Variants in ABCA1 observed in about 807,000 individuals in gnomAD.
ABCA1 encodes the protein ATP binding cassette subfamily A member 1, also known as phospholipid-transporting ATPase ABCA1.
Under a neutral mutation model 262.5 loss-of-function variants are expected in ABCA1, and 133 were observed. That is an observed-to-expected ratio of 0.51 (90% CI 0.44 to 0.59). The LOEUF is 0.59. ABCA1 is among the 20% of genes least tolerant of loss of function. ABCA1 has a pLI of 0.00. For missense variants in ABCA1, 2,452 were observed against 2,777.5 expected (o/e 0.88, Z 2.63); for synonymous variants, 1,022 against 1,043.5 (o/e 0.98, Z 0.40).
chr9:104,822,182 G>C (rs1453113580), intron 19 of ABCA1, among the ~76,000 whole-genome samples: 1 of 152,122 alleles, frequency 6.6e-6, no homozygotes, highest in Non-Finnish European at 1.5e-5. Flanking sequence ...GAGTTCCTGG[G>C]AATTACCAAC....
At chr9:104,844,027 GAAAA>G (rs58449867) in intron 8 of ABCA1, among the ~76,000 whole-genome samples, 1 of 125,250 alleles carries the variant, frequency 8.0e-6, no homozygotes, top group Non-Finnish European at 1.8e-5. Flanking sequence ...TTTAATGCCA[GAAAA>G]AAAAAAAAAA....
At chr9:104,893,313 T>C (rs1839917183) in intron 2 of ABCA1, among the ~76,000 whole-genome samples, 1 of 148,320 alleles carries the variant, frequency 6.7e-6, no homozygotes, top group Admixed American at 6.8e-5. Context: ...TCCCAGCTAC[T>C]CGGGAGGCTG....
chr9:104,812,104 G>A (rs1289501382), intron 28 of ABCA1, among the ~76,000 whole-genome samples: 1 of 152,114 alleles, frequency 6.6e-6, no homozygotes. Flanking sequence ...CTATCAGTTT[G>A]AGTTAAACAT....
At chr9:104,826,520 T>C (rs1236968366) in intron 16 of ABCA1, among the ~76,000 whole-genome samples, 1 of 152,358 alleles carries the variant, frequency 6.6e-6, no homozygotes, top group South Asian at 2.1e-4. Context: ...AACACCATAC[T>C]GGACACAAGG....
At chr9:104,799,435 C>CACACACACACACAG (rs1554703915) in intron 36 of ABCA1, 1 of 974,428 alleles carries the variant, frequency 1.0e-6, no homozygotes, top group East Asian at 1.2e-4. Context: ...CACACACACA[C>CACACACACACACAG]AGCTTAATTT....
chr9:104,853,135 A>AAGATCCACTTG (rs1835523757), intron 7 of ABCA1, among the ~76,000 whole-genome samples: 1 of 152,206 alleles, frequency 6.6e-6, no homozygotes, highest in South Asian at 2.1e-4. Context: ...CTCATGAACC[A>AAGATCCACTTG]AGATCCACTT....
At chr9:104,871,574 A>AT (rs1294789198) in intron 5 of ABCA1, among the ~76,000 whole-genome samples, 1 of 152,184 alleles carries the variant, frequency 6.6e-6, no homozygotes, top group Non-Finnish European at 1.5e-5. Flanking sequence ...AAGACATAAC[A>AT]TTGACCCAAA....
In ABCA1 at chr9:104,794,400, G is replaced by A. The variant is rs369363279; in HGVS notation, c.5493C>T (p.Ala1831=). ...DMVKNQAMAD[A]LERFGENRFV... ...TGCTTCACTCACCAAACCTTTCCAG[G>A]GCATCAGCCATTGCCTGGTTTTTCA... The change falls in exon 40 of 50, where the codon GCC becomes GCT. Residue 1831 remains alanine (A), a synonymous_variant. Coordinates refer to ENST00000374736, the MANE Select transcript of ABCA1 (RefSeq NM_005502.4). 5.6e-6 allele frequency: 9 copies of A among 1,613,680 alleles called. No homozygotes were observed. The highest frequency in any genetic ancestry group is 3.3e-5 in the Admixed American group (2 of 59,942).
chr9:104,819,740 C>G lies in ABCA1; in HGVS notation c.3104-17G>C, dbSNP rs199889548. 3 of 1,614,142 alleles carry G rather than the reference C, an allele frequency of 1.9e-6. No individual in the cohort carries two copies. The African/African-American group carries it at 4.0e-5, about 22-fold the overall frequency. ...GCATTCCACCTACAAAAAAACAGAG[C>G]AAGACAAACTCCAGGACCAGCCCCA... On this transcript the variant is annotated splice_polypyrimidine_tract_variant and intron_variant, in intron 21 of 49. Transcript: ENST00000374736.
intron 2 of ABCA1, among the ~76,000 whole-genome samples, chr9:104,895,925 G>C (rs1840162630): frequency 6.6e-6 from 1 of 152,178 alleles, no homozygotes; most frequent in Admixed American, 6.5e-5. Flanking sequence ...TTGGGCCTTA[G>C]GCAAGAGGCT....
chr9:104,867,015 G>A (rs751601139), intron 5 of ABCA1, among the ~76,000 whole-genome samples: 34 of 152,230 alleles, frequency 2.2e-4, no homozygotes, highest in Admixed American at 4.6e-4. Flanking sequence ...GAATACAAAT[G>A]AGTGAATAAA....
At chr9:104,851,397 G>A (rs115467372) in intron 7 of ABCA1, among the ~76,000 whole-genome samples, 3,412 of 152,122 alleles carry the variant, frequency 0.022, 110 homozygotes, top group African/African-American at 0.066. Context: ...ACGTCTCATC[G>A]TTCCTTCTCC....
intron 7 of ABCA1, among the ~76,000 whole-genome samples, chr9:104,857,704 C>CAAAA (rs139377053): frequency 0.028 from 4,310 of 152,236 alleles, 238 homozygotes; most frequent in African/African-American, 0.099. Flanking sequence ...AAGAGTATTA[C>CAAAA]AATTTCATTT....
At chr9:104,801,807 G>C (rs1830364439) in intron 34 of ABCA1, among the ~76,000 whole-genome samples, 1 of 152,214 alleles carries the variant, frequency 6.6e-6, no homozygotes, top group African/African-American at 2.4e-5. Flanking sequence ...GCCTCCCAAA[G>C]TGCTAGGATT....
chr9:104,884,713 T>G (rs1041998463), intron 3 of ABCA1, 145 bp from the exon 4 acceptor site: 53 of 991,008 alleles, frequency 5.3e-5, no homozygotes, highest in Non-Finnish European at 8.0e-5. Context: ...TGAATAAAAC[T>G]GACTCTCAGG....
chr9:104,784,402 G>A lies in ABCA1; in HGVS notation c.6699C>T (p.Leu2233=). 1 of 1,614,112 alleles carries A rather than the reference G, an allele frequency of 6.2e-7. No homozygotes were observed. The highest frequency in any genetic ancestry group is 8.5e-7 in the Non-Finnish European group (1 of 1,180,000). The change falls in exon 50 of 50, where the codon CTC becomes CTT. Residue 2233 remains leucine, a synonymous_variant. Transcript: ENST00000374736. ...DQSDDDHLKD[L]SLHKNQTVVD... ...CTACTGTCTGGTTTTTGTGTAATGA[G>A]AGGTCTTTTAAGTGGTCATCATCAC...
chr9:104,811,044 G>C, intron 28 of ABCA1, 120 bp from the exon 29 acceptor site: 3 of 1,429,894 alleles, frequency 2.1e-6, no homozygotes, highest in Non-Finnish European at 2.9e-6. Flanking sequence ...GCACGGCAAT[G>C]AGGAATGCAG....
At position 104,845,479 on chromosome 9, in the gene ABCA1, C is replaced by A. The variant is rs766885355; in HGVS notation, c.811G>T (p.Glu271Ter). 1.2e-6 allele frequency: 2 copies of A among 1,612,582 alleles called. No homozygotes were observed. The highest frequency in any genetic ancestry group is 1.7e-6 in the Non-Finnish European group (2 of 1,178,786). ...GGTACTGGAAAGACACAACTTACCT[C>A]CTGGGCCAGAGTCCCAAGACTATGC... ...LLHSLGTLAQ[E>*]LFSMRSWSDM... Residue 271 changes from glutamate to a stop codon, truncating the protein, a stop_gained and splice_region_variant, in exon 8 of 50, where the codon GAG (glutamate) becomes TAG (stop). Transcript: ENST00000374736. LOFTEE classifies it high-confidence loss of function.
chr9:104,798,691 TAC>T, intron 36 of ABCA1, 93 bp from the exon 37 acceptor site: 42 of 1,052,190 alleles, frequency 4.0e-5, no homozygotes, highest in Non-Finnish European at 5.3e-5. Flanking sequence ...AACACACACG[TAC>T]ACACACACAG....
Sources: allele counts gnomAD v4.1 joint callset (sites outside exome capture counted in the v4.1 genomes callset), GRCh38; gene constraint gnomAD v4.1.1; transcripts MANE v1.5; gene names NCBI Gene and HGNC (gene_info 2026-07-23, HGNC 2026-07-21).